MYCBP2: variants seen among roughly 807,000 people sequenced by gnomAD.
MYCBP2 encodes the protein E3 ubiquitin-protein ligase MYCBP2.
MYCBP2 carries 120 observed loss-of-function variants against 525.3 expected under a neutral mutation model. That is an observed-to-expected ratio of 0.23 (90% CI 0.20 to 0.27). The LOEUF is 0.27. Among genes scored for constraint, MYCBP2 ranks in the 10% least tolerant of loss-of-function variants. The pLI is 1.00. For missense variants in MYCBP2, 4,149 were observed against 5,657.1 expected (o/e 0.73, Z 8.55); for synonymous variants, 1,894 against 1,955.8 (o/e 0.97, Z 0.83).
intron 28 of MYCBP2, among the ~76,000 whole-genome samples, chr13:77,190,779 T>C (rs2061222797): frequency 6.6e-6 from 1 of 152,178 alleles, no homozygotes; most frequent in South Asian, 2.1e-4. Context: ...TTGATGCACA[T>C]AACAACAGAT....
chr13:77,245,933 C>T (rs1489608463), intron 15 of MYCBP2, among the ~76,000 whole-genome samples: 1 of 152,004 alleles, frequency 6.6e-6, no homozygotes, highest in African/African-American at 2.4e-5. Flanking sequence ...GCCTTCACCT[C>T]CCATTCTCTC....
chr13:77,126,596 T>A, intron 52 of MYCBP2, 54 bp from the exon 53 acceptor site: 1 of 1,378,582 alleles, frequency 7.3e-7, no homozygotes, highest in Non-Finnish European at 1.0e-6. Context: ...ATTATCACTT[T>A]CAAAGCCTTC....
chr13:77,225,623 G>T, intron 18 of MYCBP2, 69 bp from the exon 19 acceptor site: 1 of 1,566,898 alleles, frequency 6.4e-7, no homozygotes, highest in Non-Finnish European at 8.7e-7. Context: ...ATTTAAATCA[G>T]TTTATTATGG....
At chr13:77,179,340 A>T (rs1011669360) in intron 34 of MYCBP2, among the ~76,000 whole-genome samples, 1 of 152,214 alleles carries the variant, frequency 6.6e-6, no homozygotes, top group Admixed American at 6.5e-5. Flanking sequence ...TCATATTAGG[A>T]CATGATTTTC....
chr13:77,306,090 A>G (rs1447392767), intron 1 of MYCBP2, among the ~76,000 whole-genome samples: 1 of 152,196 alleles, frequency 6.6e-6, no homozygotes, highest in Admixed American at 6.5e-5. Flanking sequence ...AAAGTAAAGC[A>G]TTTTTTATTT....
intron 20 of MYCBP2, among the ~76,000 whole-genome samples, chr13:77,218,596 T>C (rs901921363): frequency 6.6e-6 from 1 of 152,192 alleles, no homozygotes; most frequent in Admixed American, 6.5e-5. Context: ...CTTTATCACA[T>C]GGAGAATACT....
intron 3 of MYCBP2, among the ~76,000 whole-genome samples, chr13:77,285,103 C>T (rs76314932): frequency 0.013 from 1,978 of 152,210 alleles, 19 homozygotes; most frequent in Middle Eastern, 0.027. Context: ...CTTAAGAATG[C>T]CTGATATTTC....
rs2060631679 is a variant in MYCBP2 at position 77,185,436 on chromosome 13, A to G, written c.4445-59T>C. ...CAAAATATTAAATATGCATGAAAAC[A>G]ATCAATATAATTCAGTAATTCCCTA... On this transcript the variant is annotated intron_variant, in intron 31 of 82. Coordinates refer to ENST00000544440, the MANE Select transcript of MYCBP2 (RefSeq NM_015057.5). The G allele has an allele frequency of 8.0e-6, 12 of 1,505,168 alleles. 1 individual carries two copies. The highest frequency in any genetic ancestry group is 9.9e-6 in the Non-Finnish European group (11 of 1,108,500). The allele number at this position is 1,505,168 out of a possible 1,614,324, so 93.2% of individuals were successfully genotyped here. A position where few individuals can be genotyped will look rare whatever the true frequency, so the allele number is the denominator to read the frequency against.
intron 21 of MYCBP2, among the ~76,000 whole-genome samples, chr13:77,213,877 T>C (rs1004818491): frequency 6.6e-6 from 1 of 152,174 alleles, no homozygotes; most frequent in Non-Finnish European, 1.5e-5. Flanking sequence ...GATCTCTATG[T>C]TTCCTGTAAG....
At chr13:77,200,375 A>G (rs2062359301) in intron 26 of MYCBP2, among the ~76,000 whole-genome samples, 1 of 152,182 alleles carries the variant, frequency 6.6e-6, no homozygotes, top group Non-Finnish European at 1.5e-5. Context: ...AAAGCCTCCA[A>G]GAAATATGGG....
rs1254247746 is a variant in MYCBP2 at position 77,327,027 on chromosome 13, G to A, written c.-252C>T. On this transcript the variant is annotated 5_prime_UTR_variant, in exon 1 of 83. Transcript: ENST00000544440. ...CCCGGGAATGTGAGGAGGAGGCGGT[G>A]CCGCCACTGCCGCCGCCACCACCGC... The A allele has an allele frequency of 9.2e-6, 4 of 433,792 alleles. No homozygotes were observed. The highest frequency in any genetic ancestry group is 1.6e-5 in the Non-Finnish European group (4 of 250,648). The allele number at this position is 433,792 out of a possible 1,614,324, so 26.9% of individuals were successfully genotyped here. A position where few individuals can be genotyped will look rare whatever the true frequency, so the allele number is the denominator to read the frequency against.
At chr13:77,085,272 T>G (rs919374787) in intron 62 of MYCBP2, among the ~76,000 whole-genome samples, 1 of 152,176 alleles carries the variant, frequency 6.6e-6, no homozygotes, top group East Asian at 1.9e-4. Flanking sequence ...ATCTAATTCT[T>G]ATATACTAGC....
intron 14 of MYCBP2, 86 bp from the exon 15 acceptor site, chr13:77,251,441 G>A (rs1415824621): frequency 4.4e-6 from 5 of 1,131,806 alleles, no homozygotes; most frequent in South Asian, 1.4e-5. Context: ...TTTAAAAAAT[G>A]ACAGCATGCT....
At chr13:77,059,670 T>C (rs778152077) in intron 76 of MYCBP2, 44 bp from the exon 77 acceptor site, 1 of 1,402,596 alleles carries the variant, frequency 7.1e-7, no homozygotes, top group Non-Finnish European at 1.0e-6. Context: ...ATGGATGTTT[T>C]CTAGATATGT....
chr13:77,229,419 T>A lies in MYCBP2; in HGVS notation c.2737+3737A>T, dbSNP rs1813171136. ...CATAAATGGTAGGACAAATTTAGAG[T>A]TTAATCATAAATAAGGCTCATGCAT... On this transcript the variant is annotated intron_variant, in intron 18 of 82. Coordinates refer to ENST00000544440, the MANE Select transcript of MYCBP2 (RefSeq NM_015057.5). 2.6e-5 allele frequency among the ~76,000 whole-genome samples: 4 copies of A among 151,788 alleles called. No homozygotes were observed. In the South Asian group the frequency reaches 8.3e-4, roughly 32 times the overall value.
At chr13:77,199,786 A>AC (rs1353626674) in intron 26 of MYCBP2, among the ~76,000 whole-genome samples, 3 of 152,190 alleles carry the variant, frequency 2.0e-5, no homozygotes, top group African/African-American at 7.2e-5. Flanking sequence ...GGGCAGACTG[A>AC]CACCTCACAC....
chr13:77,049,999 C>A (rs1197667512), intron 82 of MYCBP2, among the ~76,000 whole-genome samples: 1 of 152,072 alleles, frequency 6.6e-6, no homozygotes, highest in Non-Finnish European at 1.5e-5. Flanking sequence ...CACAGAAACA[C>A]CATCCTCACT....
intron 47 of MYCBP2, among the ~76,000 whole-genome samples, chr13:77,147,755 A>G (rs1264026614): frequency 6.6e-6 from 1 of 152,092 alleles, no homozygotes; most frequent in East Asian, 1.9e-4. Context: ...CCTCAAATTC[A>G]TATTATTAAC....
chr13:77,295,049 G>T (rs545002108), intron 2 of MYCBP2, among the ~76,000 whole-genome samples: 1 of 152,322 alleles, frequency 6.6e-6, no homozygotes, highest in Admixed American at 6.5e-5. Flanking sequence ...TGGAGCTACT[G>T]GCAGCCTCAG....
Sources: allele counts gnomAD v4.1 joint callset (sites outside exome capture counted in the v4.1 genomes callset), GRCh38; gene constraint gnomAD v4.1.1; transcripts MANE v1.5; gene names NCBI Gene and HGNC (gene_info 2026-07-23, HGNC 2026-07-21).